PIAS2: variants seen among roughly 807,000 people sequenced by gnomAD.
PIAS2 encodes protein inhibitor of activated STAT 2, also known as E3 SUMO-protein ligase PIAS2.
A neutral mutation model predicts 69.7 loss-of-function variants in PIAS2; 19 were observed. The observed-to-expected ratio is 0.27, with a 90% confidence interval of 0.19 to 0.40. The LOEUF (loss-of-function observed/expected upper bound fraction) is 0.40. Ranked by LOEUF, PIAS2 falls within the 10% of genes least tolerant of loss-of-function variation. The pLI is 1.00. For missense variants in PIAS2, 624 were observed against 757.0 expected (o/e 0.82, Z 2.06); for synonymous variants, 261 against 263.2 (o/e 0.99, Z 0.08).
intron 5 of PIAS2, among the ~76,000 whole-genome samples, chr18:46,847,147 T>C (rs1207116373): frequency 6.6e-6 from 1 of 152,108 alleles, no homozygotes; most frequent in Non-Finnish European, 1.5e-5. Flanking sequence ...GACACCAAGC[T>C]TTACAGATAA....
intron 12 of PIAS2, chr18:46,817,772 T>C (rs554877424): frequency 2.1e-6 from 2 of 951,924 alleles, no homozygotes; most frequent in Admixed American, 6.2e-5. Context: ...GTACTAACAG[T>C]GAAGTTTGAT....
chr18:46,860,978 A>G (rs1294598807), intron 3 of PIAS2, among the ~76,000 whole-genome samples: 1 of 152,066 alleles, frequency 6.6e-6, no homozygotes, highest in Admixed American at 6.5e-5. Flanking sequence ...ACCTTCTCTC[A>G]AAAATAAAAT....
intron 12 of PIAS2, among the ~76,000 whole-genome samples, chr18:46,820,606 G>A (rs1162658052): frequency 1.3e-5 from 2 of 152,066 alleles, no homozygotes. Flanking sequence ...AGAAGAGTAT[G>A]AGAAAATATT....
chr18:46,917,596 G>A, upstream of PIAS2: 2 of 1,026,598 alleles, frequency 1.9e-6, no homozygotes, highest in Non-Finnish European at 2.3e-6. Flanking sequence ...TTCCGCCCGC[G>A]CCTTCAGTCC....
In PIAS2 at chr18:46,810,097, G is replaced by C. The variant is rs532136893; in HGVS notation, c.*2336C>G. On this transcript the variant is annotated 3_prime_UTR_variant, in exon 14 of 14. Transcript: ENST00000585916. ...AACTTCAAAGTGTATTTTTTAAAAT[G>C]CAAGTTGCCTGTATGAAATAAATTA... The C allele has an allele frequency of 6.6e-6, 1 of 152,060 alleles. No individual in the cohort carries two copies. The highest frequency in any genetic ancestry group is 1.5e-5 in the Non-Finnish European group (1 of 67,998). 9.4% of individuals were successfully genotyped at this position (152,060 alleles called of 1,614,324 possible). A position where few individuals can be genotyped will look rare whatever the true frequency, so the allele number is the denominator to read the frequency against.
At chr18:46,832,454 CAA>C (rs2043789082) in intron 9 of PIAS2, among the ~76,000 whole-genome samples, 2 of 151,668 alleles carry the variant, frequency 1.3e-5, no homozygotes, top group Non-Finnish European at 1.5e-5. Context: ...AAAAAGTGGG[CAA>C]AAGTTTGGTC....
intron 2 of PIAS2, among the ~76,000 whole-genome samples, chr18:46,881,205 A>G (rs2052186709): frequency 6.6e-6 from 1 of 152,056 alleles, no homozygotes; most frequent in Non-Finnish European, 1.5e-5. Flanking sequence ...AATGCTCACC[A>G]ACGTCCTATC....
Position 46,835,344 on chromosome 18 carries a change from T to G in PIAS2, c.1202+1013A>C, listed in dbSNP as rs575466516. Among the ~76,000 whole-genome samples, 5 of 152,272 alleles carry G rather than the reference T, an allele frequency of 3.3e-5. No homozygotes were observed. In the East Asian group the frequency reaches 5.8e-4, roughly 18 times the overall value. On this transcript the variant is annotated intron_variant, in intron 9 of 13. Transcript: ENST00000585916. ...TCCAACTCCTCTGTAGGTTTAAAATTTTTTCAAAATAAGCTAAAAATAAAA... is the reference window on the plus strand; with the variant it reads ...TCCAACTCCTCTGTAGGTTTAAAATGTTTTCAAAATAAGCTAAAAATAAAA...
chr18:46,828,803 A>G (rs2043174102), intron 10 of PIAS2, among the ~76,000 whole-genome samples: 1 of 152,202 alleles, frequency 6.6e-6, no homozygotes, highest in East Asian at 1.9e-4. Context: ...ACATTTTCAC[A>G]GAAAAGTATG....
In PIAS2 at chr18:46,820,870, G is replaced by C. The variant is rs1034117714; in HGVS notation, c.1648+63C>G. On this transcript the variant is annotated intron_variant, in intron 12 of 13. Transcript: ENST00000585916. ...ATTTCAAAACTATACTGGCTTCACA[G>C]ATTAAGATTAAAAAAAATAAACTTT... 7.3e-6 allele frequency: 11 copies of C among 1,503,284 alleles called. No individual in the cohort carries two copies. The African/African-American group carries it at 1.4e-4, about 19-fold the overall frequency. The allele number at this position is 1,503,284 out of a possible 1,614,324, so 93.1% of individuals were successfully genotyped here. A position where few individuals can be genotyped will look rare whatever the true frequency, so the allele number is the denominator to read the frequency against.
At chr18:46,855,077 G>A (rs1366448663) in intron 5 of PIAS2, among the ~76,000 whole-genome samples, 1 of 130,270 alleles carries the variant, frequency 7.7e-6, no homozygotes. Flanking sequence ...ATCAAGCCTG[G>A]GGAACACAGT....
At chr18:46,838,008 A>G (rs957474115) in intron 8 of PIAS2, among the ~76,000 whole-genome samples, 5 of 152,222 alleles carry the variant, frequency 3.3e-5, no homozygotes, top group Non-Finnish European at 7.3e-5. Context: ...CAGGAAACGA[A>G]GAAGACGGAC....
At chr18:46,817,875 T>C (rs1305050398) in intron 12 of PIAS2, 20 of 974,570 alleles carry the variant, frequency 2.1e-5, no homozygotes, top group Non-Finnish European at 2.2e-5. Context: ...AAAACTCTTA[T>C]ATAAAATCAA....
intron 2 of PIAS2, among the ~76,000 whole-genome samples, chr18:46,884,318 T>A (rs891218344): frequency 6.6e-6 from 1 of 151,994 alleles, no homozygotes; most frequent in Non-Finnish European, 1.5e-5. Flanking sequence ...TTATTTATTT[T>A]TTATTTTTTT....
chr18:46,871,466 T>C (rs1239707686), intron 2 of PIAS2, among the ~76,000 whole-genome samples: 2 of 152,134 alleles, frequency 1.3e-5, no homozygotes, highest in South Asian at 2.1e-4. Flanking sequence ...ACAAAATACA[T>C]GCTTCAAATG....
At chr18:46,848,306 A>G (rs756132574) in intron 5 of PIAS2, among the ~76,000 whole-genome samples, 4 of 152,222 alleles carry the variant, frequency 2.6e-5, no homozygotes, top group Non-Finnish European at 5.9e-5. Context: ...TTCAGACAAC[A>G]GCCAGGATTC....
At chr18:46,903,985 T>C (rs1215864459) in intron 1 of PIAS2, 1 of 152,236 alleles carries the variant, frequency 6.6e-6, no homozygotes, top group Non-Finnish European at 1.5e-5. Flanking sequence ...TGTGTGATTC[T>C]ATTTATGTAA....
chr18:46,827,861 C>G (rs2144926617), intron 11 of PIAS2, 98 bp downstream of exon 11: 1 of 1,079,182 alleles, frequency 9.3e-7, no homozygotes, highest in Non-Finnish European at 1.3e-6. Flanking sequence ...AAATAGCCTT[C>G]TACAGTTATG....
Position 46,810,976 on chromosome 18 carries a change from T to C in PIAS2, c.*1457A>G, listed in dbSNP as rs985849528. On this transcript the variant is annotated 3_prime_UTR_variant, in exon 14 of 14. Coordinates refer to ENST00000585916, the MANE Select transcript of PIAS2 (RefSeq NM_004671.5). Reference sequence around the variant, plus strand: ...CAAATCCTTGTGAACTCAAAAATGATTTAGGAAGTCAAATGAAGCAAACTA... The same window carrying C: ...CAAATCCTTGTGAACTCAAAAATGACTTAGGAAGTCAAATGAAGCAAACTA... 5.3e-5 allele frequency: 8 copies of C among 152,190 alleles called. No homozygotes were observed. The highest frequency in any genetic ancestry group is 1.0e-4 in the Non-Finnish European group (7 of 67,994). The allele number at this position is 152,190 out of a possible 1,614,324, so 9.4% of individuals were successfully genotyped here.
Sources: gnomAD v4.1 joint callset for allele counts (sites outside exome capture counted in the v4.1 genomes callset) on GRCh38, gnomAD v4.1.1 for gene constraint, MANE v1.5 for transcripts, NCBI Gene and HGNC (gene_info 2026-07-23, HGNC 2026-07-21) for gene names.